PRSS55: variants seen among roughly 807,000 people sequenced by gnomAD.
The protein encoded by PRSS55 is probable serine protease UNQ9391/PRO34284.
In PRSS55, 41 loss-of-function variants were observed where a neutral mutation model predicts 23.6. The observed-to-expected ratio is 1.74, with a 90% CI of 1.35 to 2.26. The LOEUF (loss-of-function observed/expected upper bound fraction) is 2.26, where lower values mean the gene tolerates loss of function less well. PRSS55 is among the 30% of genes most tolerant of loss of function. The pLI is 0.00. For missense variants in PRSS55, 669 were observed against 439.1 expected, an observed-to-expected ratio of 1.52 and a Z score of -4.68; for synonymous variants, 262 against 175.5, an observed-to-expected ratio of 1.49 and a Z score of -3.90.
At chr8:10,551,887 A>G (rs1208010190) in intron 4 of PRSS55, among the ~76,000 whole-genome samples, 1 of 152,200 alleles carries the variant, frequency 6.6e-6, no homozygotes, top group Admixed American at 6.5e-5. Flanking sequence ...AATTCTTCCA[A>G]AAGCAGAACC....
rs1304337591 is a variant in PRSS55, at chr8:10,532,911, A to G, written c.604A>G (p.Lys202Glu). 6.2e-7 allele frequency: 1 copy of G among 1,614,082 alleles called. No homozygotes were observed. ...AGWGQTNAADKNSVKTDLMKA... is the reference protein window; with the variant it reads ...AGWGQTNAADENSVKTDLMKA... ...GCGCTTTCTCTCTGGGCCAGCTGACAAAAACTCTGTGAAAACGGATCTGAT... is the reference window on the plus strand; with the variant it reads ...GCGCTTTCTCTCTGGGCCAGCTGACGAAAACTCTGTGAAAACGGATCTGAT... The change falls in exon 4 of 5, where the codon AAA becomes GAA. Residue 202 changes from lysine to glutamate, a missense_variant. By Grantham distance (56) the Lys-to-Glu change is moderately conservative (BLOSUM62 1). Coordinates refer to ENST00000328655, the MANE Select transcript of PRSS55 (RefSeq NM_198464.4).
In PRSS55 at chr8:10,538,509, G is replaced by T. The variant is rs1487806224; in HGVS notation, c.775G>T (p.Glu259Ter). 1 of 1,614,038 alleles carries T rather than the reference G, an allele frequency of 6.2e-7. No individual in the cohort carries two copies. The highest frequency in any genetic ancestry group is 1.7e-5 in the Admixed American group (1 of 60,024). The change falls in exon 5 of 5, where the codon GAG (glutamate) becomes TAG (stop). Residue 259 changes from glutamate to a stop codon, truncating the protein, a stop_gained. Coordinates refer to ENST00000328655, the MANE Select transcript of PRSS55 (RefSeq NM_198464.4). LOFTEE classifies it low-confidence loss of function (END_TRUNC). ...TGGGGGGCCTCTGGTCTGCACCCCA[G>T]AGCCTGGTGAGAAGTGGTACCAGGT... ...DSGGPLVCTPEPGEKWYQVGI... is the reference protein window; with the variant it reads ...DSGGPLVCTP
rs540745614 is a variant in PRSS55 at position 10,536,596 on chromosome 8, A to G, written c.742-1880A>G. ...TCGTCACAGCGCTATTCACAGTAGCAAAGACATGGGATCAAACTACATGTC... is the reference window on the plus strand; with the variant it reads ...TCGTCACAGCGCTATTCACAGTAGCGAAGACATGGGATCAAACTACATGTC... On this transcript the variant is annotated intron_variant, in intron 4 of 4. Coordinates refer to ENST00000328655, the MANE Select transcript of PRSS55 (RefSeq NM_198464.4). Among the ~76,000 whole-genome samples, 72 of 152,368 alleles carry G rather than the reference A, an allele frequency of 4.7e-4. No homozygotes were observed. In the Middle Eastern group the frequency reaches 0.01, roughly 22 times the overall value.
At chr8:10,530,942 T>C (rs1267764993) in intron 2 of PRSS55, among the ~76,000 whole-genome samples, 1 of 152,194 alleles carries the variant, frequency 6.6e-6, no homozygotes, top group Non-Finnish European at 1.5e-5. Context: ...ATGCCTTATC[T>C]ATCTGAAGGT....
intron 4 of PRSS55, among the ~76,000 whole-genome samples, chr8:10,535,823 G>T (rs185875181): frequency 8.5e-5 from 13 of 152,252 alleles, no homozygotes; most frequent in Non-Finnish European, 1.5e-4. Context: ...ATCTGACAAA[G>T]GTCTAATATT....
At chr8:10,546,049 C>T (rs1181029404) in intron 4 of PRSS55, among the ~76,000 whole-genome samples, 1 of 151,948 alleles carries the variant, frequency 6.6e-6, no homozygotes, top group Non-Finnish European at 1.5e-5. Flanking sequence ...GGAAGACAGC[C>T]CCCATCTGAG....
intron 4 of PRSS55, among the ~76,000 whole-genome samples, chr8:10,533,714 C>G (rs756116739): frequency 6.6e-6 from 1 of 152,120 alleles, no homozygotes; most frequent in Non-Finnish European, 1.5e-5. Flanking sequence ...AAGTGGCCAC[C>G]CTGATGAACC....
chr8:10,528,161 T>C (rs912397137), intron 1 of PRSS55, among the ~76,000 whole-genome samples: 1 of 146,710 alleles, frequency 6.8e-6, no homozygotes, highest in Non-Finnish European at 1.5e-5. Context: ...ATGGTGCCAC[T>C]GCACTCCAGC....
chr8:10,550,448 T>G (rs1192994380), intron 4 of PRSS55, among the ~76,000 whole-genome samples: 2 of 152,206 alleles, frequency 1.3e-5, no homozygotes, highest in African/African-American at 2.4e-5. Context: ...CATCATCTGG[T>G]GGCAGTTGGC....
At chr8:10,538,954 G>T (rs773312117), downstream of PRSS55, 55 of 613,064 alleles carry the variant, frequency 9.0e-5, no homozygotes, top group Non-Finnish European at 1.3e-4. Context: ...ACTGCACTTT[G>T]GGTCTGTGGA....
intron 4 of PRSS55, among the ~76,000 whole-genome samples, chr8:10,535,813 A>G (rs746432207): frequency 6.6e-6 from 1 of 152,250 alleles, no homozygotes; most frequent in Non-Finnish European, 1.5e-5. Context: ...CAAACTATGC[A>G]TCTGACAAAG....
downstream of PRSS55, among the ~76,000 whole-genome samples, chr8:10,539,981 C>T (rs1182701689): frequency 6.6e-6 from 1 of 152,196 alleles, no homozygotes; most frequent in Non-Finnish European, 1.5e-5. Flanking sequence ...CACCAGTTCT[C>T]CCTTCTGGCT....
intron 1 of PRSS55, 30 bp downstream of exon 1, chr8:10,525,769 G>T: frequency 6.4e-7 from 1 of 1,556,524 alleles, no homozygotes; most frequent in South Asian, 1.2e-5. Flanking sequence ...GGGCATGGAT[G>T]GGGGCTCATG....
rs547175759 is a variant in PRSS55, at chr8:10,528,394, G to T, written c.155-1113G>T. Among the ~76,000 whole-genome samples, 28 of 152,278 alleles carry T rather than the reference G, an allele frequency of 1.8e-4. 1 individual carries two copies. In the South Asian group the frequency reaches 5.6e-3, roughly 30 times the overall value. ...GTTGGAAAATAAGCAGCAAGAAAGA[G>T]ACAAGATTAGGGTCTTGGGCTTTTT... is the stretch of plus-strand genomic sequence containing the variant. On this transcript the variant is annotated intron_variant, in intron 1 of 4. Coordinates refer to ENST00000328655, the MANE Select transcript of PRSS55 (RefSeq NM_198464.4).
In PRSS55 at chr8:10,537,406, G is replaced by T. The variant is rs1585881054; in HGVS notation, c.742-1070G>T. 7.2e-5 allele frequency among the ~76,000 whole-genome samples: 11 copies of T among 152,106 alleles called. 1 individual carries two copies. In the South Asian group the frequency reaches 2.3e-3, roughly 32 times the overall value. ...CAATTCATATTCTCACTTATAAATG[G>T]AAGCTTAAAAAAAAACTCATGGAGA... On this transcript the variant is annotated intron_variant, in intron 4 of 4. Transcript: ENST00000328655.
intron 4 of PRSS55, among the ~76,000 whole-genome samples, chr8:10,553,185 C>T (rs1170564103): frequency 6.6e-6 from 1 of 152,206 alleles, no homozygotes; most frequent in African/African-American, 2.4e-5. Context: ...AGGGGCTCCT[C>T]CCCCTTTGCT....
At chr8:10,541,063 G>C (rs1304669795), downstream of PRSS55, 1 of 152,600 alleles carries the variant, frequency 6.6e-6, no homozygotes, top group East Asian at 1.9e-4. Flanking sequence ...ATTGATTTTG[G>C]CCACAGGGAT....
intron 4 of PRSS55, among the ~76,000 whole-genome samples, chr8:10,552,519 C>T (rs932348967): frequency 6.6e-6 from 1 of 152,130 alleles, no homozygotes; most frequent in Non-Finnish European, 1.5e-5. Flanking sequence ...ATTTGCAAAC[C>T]ATGCATCTTT....
rs1481458886 is a variant in PRSS55, at chr8:10,529,623, C to G, written c.271C>G (p.Pro91Ala). ...GGTGAGTATTCAGGCAAGAAGTGAA[C>G]CTTTCTGTGGCGGCTCCATCCTCAA... ...WQVSIQARSE[P>A]FCGGSILNKW... Residue 91 changes from proline (P) to alanine (A), a missense_variant, in exon 2 of 5, where the codon CCT becomes GCT. Coordinates refer to ENST00000328655, the MANE Select transcript of PRSS55 (RefSeq NM_198464.4). 1 of 1,614,146 alleles carries G rather than the reference C, an allele frequency of 6.2e-7. No individual in the cohort carries two copies. The highest frequency in any genetic ancestry group is 1.1e-5 in the South Asian group (1 of 91,078).
Sources: gnomAD v4.1 joint callset for allele counts (sites outside exome capture counted in the v4.1 genomes callset) on GRCh38, gnomAD v4.1.1 for gene constraint, MANE v1.5 for transcripts, NCBI Gene and HGNC (gene_info 2026-07-23, HGNC 2026-07-21) for gene names.